The following FUT8 variants were observed in gnomAD, a reference collection of about 807,000 sequenced individuals.
FUT8 encodes fucosyltransferase 8.
Under a neutral mutation model 71.3 loss-of-function variants are expected in FUT8, and 29 were observed. That is an observed-to-expected ratio of 0.41 (90% CI 0.30 to 0.55). The LOEUF is 0.55. FUT8 is among the 20% of genes least tolerant of loss of function. The pLI, the probability that FUT8 is intolerant of heterozygous loss-of-function variation, is 0.34. For synonymous variants in FUT8, 254 were observed against 239.3 expected, an observed-to-expected ratio of 1.06 and a Z score of -0.57; for missense variants, 544 against 702.1, an observed-to-expected ratio of 0.77 and a Z score of 2.55.
chr14:65,481,931 C>A (rs369814222), intron 2 of FUT8, among the ~76,000 whole-genome samples: 20 of 152,012 alleles, frequency 1.3e-4, no homozygotes, highest in African/African-American at 4.8e-4. Flanking sequence ...CTTGTCTTTT[C>A]TTTCTCTTAA....
At chr14:65,729,408 G>T (rs1354893784) in intron 9 of FUT8, among the ~76,000 whole-genome samples, 1 of 151,942 alleles carries the variant, frequency 6.6e-6, no homozygotes, top group Non-Finnish European at 1.5e-5. Context: ...TAGGCAGTCA[G>T]CTTATTTCCA....
At chr14:65,740,357 A>T (rs922858417) in intron 10 of FUT8, among the ~76,000 whole-genome samples, 1 of 151,912 alleles carries the variant, frequency 6.6e-6, no homozygotes, top group African/African-American at 2.4e-5. Flanking sequence ...TTTGCAAATT[A>T]TATATAGCAT....
At chr14:65,397,713 T>A in the FUT8 span, among the ~76,000 whole-genome samples, 1 of 152,264 alleles carries the variant, frequency 6.6e-6, no homozygotes, top group African/African-American at 2.4e-5. The surrounding 1 kb of genome is among the most constrained non-coding windows in gnomAD (Gnocchi z 4.2). Flanking sequence ...TCCAGCCACC[T>A]GTGATCCTGA....
chr14:65,508,603 C>A (rs897071756), intron 2 of FUT8, among the ~76,000 whole-genome samples: 1 of 140,544 alleles, frequency 7.1e-6, no homozygotes, highest in African/African-American at 2.6e-5. Context: ...CGGGTTCAAG[C>A]AATTCTGTTG....
rs539638097 is a variant in FUT8, at chr14:65,514,195, G to T, written c.-227-47142G>T. 2.0e-5 allele frequency among the ~76,000 whole-genome samples: 3 copies of T among 147,904 alleles called. No individual in the cohort carries two copies. The Admixed American group carries it at 2.0e-4, about 10-fold the overall frequency. ...GGGTTGTCCCAGTTGTCTTTATCAG[G>T]CAGTTTACCAAGATCGGTTGGGCAG... On this transcript the variant is annotated intron_variant, in intron 2 of 10. Transcript: ENST00000673929.
intron 3 of FUT8, among the ~76,000 whole-genome samples, chr14:65,610,675 C>T (rs1317292125): frequency 6.6e-6 from 1 of 151,920 alleles, no homozygotes; most frequent in African/African-American, 2.4e-5. Flanking sequence ...AGGCGTGAGC[C>T]ACTGCACCCA....
At chr14:65,706,791 G>A (rs111481739) in intron 7 of FUT8, among the ~76,000 whole-genome samples, 14 of 152,228 alleles carry the variant, frequency 9.2e-5, no homozygotes, top group African/African-American at 3.4e-4. Flanking sequence ...TTGGGAAGTA[G>A]GGATTTCAGC....
chr14:65,388,368 T>C, the FUT8 span, among the ~76,000 whole-genome samples: 4 of 152,236 alleles, frequency 2.6e-5, no homozygotes, highest in Admixed American at 6.5e-5. Flanking sequence ...ATGTAGTAAG[T>C]GTTCAGTGCA....
chr14:65,396,735 G>A, the FUT8 span, among the ~76,000 whole-genome samples: 6 of 152,348 alleles, frequency 3.9e-5, no homozygotes, highest in East Asian at 1.9e-4. This position sits in a 1 kb window ranked among gnomAD's most constrained non-coding sequence, Gnocchi z 5.5. Context: ...GCCAAGACAC[G>A]TGGTTTGGTG....
At chr14:65,680,035 C>T (rs1892960652) in intron 7 of FUT8, among the ~76,000 whole-genome samples, 1 of 152,062 alleles carries the variant, frequency 6.6e-6, no homozygotes, top group South Asian at 2.1e-4. Flanking sequence ...CAAACTGAAC[C>T]AATAGGATAT....
At chr14:65,429,333 G>GA (rs1306878411) in intron 1 of FUT8, among the ~76,000 whole-genome samples, 1 of 152,130 alleles carries the variant, frequency 6.6e-6, no homozygotes. Flanking sequence ...GCATATGAGT[G>GA]ATAACCCACA....
chr14:65,460,026 G>C (rs1179858391), intron 2 of FUT8, among the ~76,000 whole-genome samples: 3 of 152,100 alleles, frequency 2.0e-5, no homozygotes. Context: ...CAGCTGAAGT[G>C]GTTTTAGTTT....
intron 2 of FUT8, among the ~76,000 whole-genome samples, chr14:65,517,661 C>G (rs1882804187): frequency 6.6e-6 from 1 of 152,134 alleles, no homozygotes; most frequent in Non-Finnish European, 1.5e-5. Context: ...AAGTCTTCTC[C>G]ATGGACCTTA....
At chr14:65,703,073 A>G (rs552637639) in intron 7 of FUT8, among the ~76,000 whole-genome samples, 13 of 152,304 alleles carry the variant, frequency 8.5e-5, no homozygotes, top group African/African-American at 3.1e-4. Context: ...GTAACCTTCT[A>G]GGCGAGGAAG....
At chr14:65,497,614 A>C (rs568453406) in intron 2 of FUT8, among the ~76,000 whole-genome samples, 3 of 152,116 alleles carry the variant, frequency 2.0e-5, no homozygotes, top group Admixed American at 1.3e-4. Context: ...TTTCCATTTA[A>C]ATGTTTACAT....
chr14:65,439,088 A>G (rs2065603759), intron 1 of FUT8, among the ~76,000 whole-genome samples: 1 of 152,202 alleles, frequency 6.6e-6, no homozygotes, highest in Non-Finnish European at 1.5e-5. Flanking sequence ...GAATATGTCT[A>G]GATCACTAAC....
chr14:65,415,269 CAT>C (rs781176240), intron 1 of FUT8, among the ~76,000 whole-genome samples: 9 of 152,004 alleles, frequency 5.9e-5, no homozygotes, highest in African/African-American at 2.2e-4. Flanking sequence ...CCAAAAGAAA[CAT>C]AAATTTTTAA....
intron 2 of FUT8, among the ~76,000 whole-genome samples, chr14:65,505,212 GTTT>G (rs1047955164): frequency 7.0e-6 from 1 of 143,692 alleles, no homozygotes; most frequent in Non-Finnish European, 1.5e-5. Context: ...TTTTCCTGAT[GTTT>G]TTATTTCTTT....
At chr14:65,519,205 G>A (rs1306845025) in intron 2 of FUT8, among the ~76,000 whole-genome samples, 1 of 152,044 alleles carries the variant, frequency 6.6e-6, no homozygotes, top group Non-Finnish European at 1.5e-5. Flanking sequence ...TTAGGGACAC[G>A]TTCATTCATT....
Sources: allele counts gnomAD v4.1 joint callset (sites outside exome capture counted in the v4.1 genomes callset), GRCh38; gene constraint gnomAD v4.1.1; non-coding constraint Gnocchi (gnomAD v3.1); transcripts MANE v1.5; gene names NCBI Gene and HGNC (gene_info 2026-07-23, HGNC 2026-07-21).